The following CACNA1I variants were observed in gnomAD, a reference collection of about 807,000 sequenced individuals.
The protein encoded by CACNA1I is voltage-dependent T-type calcium channel subunit alpha-1I.
Under a neutral mutation model 201.6 loss-of-function variants are expected in CACNA1I, and 74 were observed. The ratio of observed to expected loss-of-function variants is 0.37; its 90% CI spans 0.30 to 0.45. The LOEUF is 0.45. CACNA1I is among the 20% of genes least tolerant of loss of function. CACNA1I has a pLI of 1.00. For missense variants in CACNA1I, 2,346 were observed against 3,138.1 expected, an observed-to-expected ratio of 0.75 and a Z score of 6.03; for synonymous variants, 1,431 against 1,345.2, an observed-to-expected ratio of 1.06 and a Z score of -1.40.
intron 26 of CACNA1I, among the ~76,000 whole-genome samples, chr22:39,671,355 T>G (rs1935371328): frequency 6.6e-6 from 1 of 152,126 alleles, no homozygotes; most frequent in African/African-American, 2.4e-5. Flanking sequence ...GCCTGAGGCT[T>G]AGAGAGGTTA....
intron 10 of CACNA1I, among the ~76,000 whole-genome samples, chr22:39,653,718 T>C (rs546031051): frequency 8.9e-4 from 136 of 152,286 alleles, no homozygotes; most frequent in South Asian, 2.1e-3. Context: ...CACAGGGTGC[T>C]TGAATGACAG....
chr22:39,598,274 G>GCCCCC lies in CACNA1I; in HGVS notation c.348+16_348+17insCCCCC. On this transcript the variant is annotated intron_variant, in intron 2 of 36. Coordinates refer to ENST00000402142, the MANE Select transcript of CACNA1I (RefSeq NM_021096.4). ...GCAAGATCCTGCAGGTGAGCCGGCCGCCCCGCCCCGCCCCGCCCTGCCCTC... is the reference window on the plus strand; with the variant it reads ...GCAAGATCCTGCAGGTGAGCCGGCCGCCCCCCCCCGCCCCGCCCCGCCCTGCCCTC... The GCCCCC allele has an allele frequency of 7.6e-7, 1 of 1,311,228 alleles. No individual in the cohort carries two copies. The highest frequency in any genetic ancestry group is 1.0e-6 in the Non-Finnish European group (1 of 971,820). The allele number at this position is 1,311,228 out of a possible 1,614,324, so 81.2% of individuals were successfully genotyped here.
chr22:39,654,358 G>A (rs1305733178), intron 10 of CACNA1I, among the ~76,000 whole-genome samples: 1 of 152,206 alleles, frequency 6.6e-6, no homozygotes, highest in African/African-American at 2.4e-5. Flanking sequence ...ATCATGTCCT[G>A]GAGCTGGAGG....
intron 5 of CACNA1I, among the ~76,000 whole-genome samples, chr22:39,636,880 G>A (rs988953007): frequency 4.6e-5 from 7 of 152,228 alleles, no homozygotes; most frequent in East Asian, 1.9e-4. Flanking sequence ...TCGTCAGGGC[G>A]GAGAAGGGCC....
At chr22:39,655,876 C>T (rs1383769757) in intron 10 of CACNA1I, among the ~76,000 whole-genome samples, 1 of 152,192 alleles carries the variant, frequency 6.6e-6, no homozygotes, top group Non-Finnish European at 1.5e-5. Flanking sequence ...GCGGGGTGAC[C>T]TTTTGGATGG....
rs367604718 is a variant in CACNA1I at position 39,654,728 on chromosome 22, C to T, written c.1993-3424C>T. Among the ~76,000 whole-genome samples, 6 of 152,144 alleles carry T rather than the reference C, an allele frequency of 3.9e-5. No individual in the cohort carries two copies. In the South Asian group the frequency reaches 8.3e-4, roughly 21 times the overall value. Reference sequence around the variant, plus strand: ...TTCCTGGAGGTGATGGCACTGGGGACGGATCCCGAAGGATGACTAGGAGTT... The same window carrying T: ...TTCCTGGAGGTGATGGCACTGGGGATGGATCCCGAAGGATGACTAGGAGTT... On this transcript the variant is annotated intron_variant, in intron 10 of 36. Transcript: ENST00000402142.
intron 6 of CACNA1I, among the ~76,000 whole-genome samples, chr22:39,642,507 T>G (rs535083766): frequency 2.6e-4 from 39 of 152,306 alleles, no homozygotes; most frequent in Admixed American, 2.4e-3. Context: ...GCAGGCTCCC[T>G]GCTTTTCCAG....
At chr22:39,618,384 G>A (rs1211155376) in intron 3 of CACNA1I, among the ~76,000 whole-genome samples, 2 of 148,218 alleles carry the variant, frequency 1.3e-5, no homozygotes, top group East Asian at 4.0e-4. Flanking sequence ...TGTGTGCATG[G>A]GTGTGACTGT....
chr22:39,580,641 C>A (rs1002079703), intron 1 of CACNA1I, among the ~76,000 whole-genome samples: 4 of 152,070 alleles, frequency 2.6e-5, no homozygotes, highest in Admixed American at 1.3e-4. Flanking sequence ...GAGGCTGGAA[C>A]CATGTGGGGC....
At chr22:39,679,541 CTG>C in intron 32 of CACNA1I, 96 bp downstream of exon 32, 1 of 1,084,708 alleles carries the variant, frequency 9.2e-7, no homozygotes, top group Non-Finnish European at 1.3e-6. Context: ...ACAGAGACCT[CTG>C]TCTTTCTGGG....
At chr22:39,657,157 CCCAGT>C (rs1210568460) in intron 10 of CACNA1I, among the ~76,000 whole-genome samples, 1 of 152,236 alleles carries the variant, frequency 6.6e-6, no homozygotes, top group African/African-American at 2.4e-5. Flanking sequence ...CCCCACTGCC[CCCAGT>C]CGTGGCCTCT....
chr22:39,661,272 A>T lies in CACNA1I; in HGVS notation c.2863A>T (p.Met955Leu). Residue 955 changes from methionine (M) to leucine (L), a missense_variant, in exon 16 of 37, where the codon ATG becomes TTG. Coordinates refer to ENST00000402142, the MANE Select transcript of CACNA1I (RefSeq NM_021096.4). ...VALGSRKSSVMSLGRMSYDQR... is the reference protein window; with the variant it reads ...VALGSRKSSVLSLGRMSYDQR... The stretch of plus-strand genomic sequence containing the variant: ...CCTGGGCTCCCGAAAGAGCAGTGTC[A>T]TGTCTCTAGGGAGGATGAGCTATGA... 6.2e-7 allele frequency: 1 copy of T among 1,604,460 alleles called. No homozygotes were observed. The highest frequency in any genetic ancestry group is 8.5e-7 in the Non-Finnish European group (1 of 1,175,426).
intron 1 of CACNA1I, among the ~76,000 whole-genome samples, chr22:39,585,320 C>T (rs1932708871): frequency 6.6e-6 from 1 of 151,882 alleles, no homozygotes; most frequent in East Asian, 1.9e-4. Flanking sequence ...GCCTTGGCCT[C>T]CCAAAGTGCT....
rs941491304 is a variant in CACNA1I at position 39,688,173 on chromosome 22, A to C, written c.*1768A>C. 2.0e-5 allele frequency: 3 copies of C among 152,274 alleles called. No individual in the cohort carries two copies. Among genetic ancestry groups the C allele is most frequent in the African/African-American group, 7.2e-5 (3 of 41,440 alleles). 9.4% of individuals were successfully genotyped at this position (152,274 alleles called of 1,614,324 possible). A position where few individuals can be genotyped will look rare whatever the true frequency, so the allele number is the denominator to read the frequency against. ...CCTGGAGAGGGGAAGCAGCCAGCCC[A>C]GGATGCTTCAGGGCCCTGGCAGCAA... On this transcript the variant is annotated 3_prime_UTR_variant, in exon 37 of 37. Coordinates refer to ENST00000402142, the MANE Select transcript of CACNA1I (RefSeq NM_021096.4). This position sits in a 1 kb window ranked among gnomAD's most constrained non-coding sequence, Gnocchi z 4.8.
At chr22:39,577,963 T>C (rs1932414850) in intron 1 of CACNA1I, among the ~76,000 whole-genome samples, 2 of 152,190 alleles carry the variant, frequency 1.3e-5, no homozygotes, top group South Asian at 4.1e-4. Context: ...TTAAGGGGGA[T>C]CCAATGAGAA....
intron 4 of CACNA1I, among the ~76,000 whole-genome samples, chr22:39,630,602 G>A (rs190427689): frequency 9.9e-4 from 151 of 152,398 alleles, no homozygotes; most frequent in African/African-American, 3.2e-3. Flanking sequence ...GGCCTTGGGC[G>A]CAGAGCATGC....
chr22:39,574,838 G>A (rs988410559), intron 1 of CACNA1I, among the ~76,000 whole-genome samples: 4 of 152,172 alleles, frequency 2.6e-5, no homozygotes, highest in African/African-American at 9.7e-5. Context: ...GGAAGGGGAG[G>A]GCAGCATGGG....
intron 1 of CACNA1I, among the ~76,000 whole-genome samples, chr22:39,575,098 G>A (rs762455856): frequency 2.2e-4 from 33 of 152,388 alleles, no homozygotes; most frequent in Admixed American, 3.9e-4. Flanking sequence ...GGCCTGGGCC[G>A]TGGGCATGGG....
Position 39,686,337 on chromosome 22 carries a change from G to A in CACNA1I, c.6604G>A (p.Ala2202Thr). Residue 2202 changes from alanine (A) to threonine (T), a missense_variant, in exon 37 of 37, where the codon GCG (alanine) becomes ACG (threonine). Ala to Thr is a moderately conservative substitution (Grantham distance 58). Transcript: ENST00000402142. The part of the protein sequence containing the change: ...APLPMGLGPL[A>T]PPPQPLPGEL... ...GCTGCCCATGGGCCTGGGCCCCTTG[G>A]CGCCCCCGCCGCAACCGCTCCCCGG... 7.7e-7 allele frequency: 1 copy of A among 1,305,518 alleles called. No individual in the cohort carries two copies. The highest frequency in any genetic ancestry group is 9.7e-7 in the Non-Finnish European group (1 of 1,026,048). 80.9% of individuals were successfully genotyped at this position (1,305,518 alleles called of 1,614,324 possible).
Sources: gnomAD v4.1 joint callset for allele counts (sites outside exome capture counted in the v4.1 genomes callset) on GRCh38, gnomAD v4.1.1 for gene constraint, Gnocchi (gnomAD v3.1) non-coding constraint, MANE v1.5 for transcripts, NCBI Gene and HGNC (gene_info 2026-07-23, HGNC 2026-07-21) for gene names.